MDGA2: variants seen among roughly 807,000 people sequenced by gnomAD.
The protein encoded by MDGA2 is MAM domain-containing glycosylphosphatidylinositol anchor protein 2.
A neutral mutation model predicts 117.8 loss-of-function variants in MDGA2; 40 were observed. The ratio of observed to expected loss-of-function variants is 0.34; its 90% CI spans 0.26 to 0.44. The LOEUF (loss-of-function observed/expected upper bound fraction) is 0.44. MDGA2 is among the 20% of genes least tolerant of loss of function. MDGA2 has a pLI of 1.00. For synonymous variants in MDGA2, 452 were observed against 439.0 expected (o/e 1.03, Z -0.37); for missense variants, 1,123 against 1,250.6 (o/e 0.90, Z 1.54).
chr14:47,267,159 AGGGAAAT>A (rs887123237), intron 2 of MDGA2, among the ~76,000 whole-genome samples: 1 of 152,158 alleles, frequency 6.6e-6, no homozygotes, highest in African/African-American at 2.4e-5. Context: ...AAGGTGGAAA[AGGGAAAT>A]GACACAGTAA....
intron 7 of MDGA2, among the ~76,000 whole-genome samples, chr14:47,040,205 T>C (rs1889013175): frequency 1.3e-5 from 2 of 152,032 alleles, no homozygotes; most frequent in East Asian, 3.9e-4. Context: ...AGCAAGGTAA[T>C]TGGGCACTAA....
chr14:47,193,569 T>C (rs1020976488), intron 3 of MDGA2, among the ~76,000 whole-genome samples: 16 of 152,174 alleles, frequency 1.1e-4, no homozygotes, highest in Non-Finnish European at 4.4e-5. Flanking sequence ...GAAGTCATGG[T>C]TCTCATGATA....
At chr14:47,357,050 G>A (rs573297259) in intron 1 of MDGA2, among the ~76,000 whole-genome samples, 1 of 152,322 alleles carries the variant, frequency 6.6e-6, no homozygotes, top group South Asian at 2.1e-4. Context: ...TATCTTCTCA[G>A]TGTTATGAGA....
chr14:47,223,808 C>CT (rs1036898557), intron 2 of MDGA2, among the ~76,000 whole-genome samples: 13 of 152,176 alleles, frequency 8.5e-5, no homozygotes, highest in African/African-American at 3.1e-4. Flanking sequence ...ACTCACAGTT[C>CT]TACATGGCTG....
chr14:47,560,588 GC>G (rs1335136942), intron 1 of MDGA2, among the ~76,000 whole-genome samples: 1 of 152,002 alleles, frequency 6.6e-6, no homozygotes, highest in Admixed American at 6.6e-5. Flanking sequence ...TTGTAAAGTT[GC>G]TTATAGATTC....
At chr14:47,556,059 C>T (rs1895676772) in intron 1 of MDGA2, among the ~76,000 whole-genome samples, 1 of 152,140 alleles carries the variant, frequency 6.6e-6, no homozygotes, top group South Asian at 2.1e-4. Context: ...TGAGTGACTC[C>T]CTTCCAGACA....
At position 47,061,393 on chromosome 14, in the gene MDGA2, C is replaced by G; in HGVS notation, c.1381G>C (p.Asp461His). 6.2e-7 allele frequency: 1 copy of G among 1,613,614 alleles called. No individual in the cohort carries two copies. Among genetic ancestry groups the G allele is most frequent in the South Asian group, 1.1e-5 (1 of 91,080 alleles). The change falls in exon 7 of 17, where the codon GAT becomes CAT. Residue 461 changes from aspartate (D) to histidine (H), a missense_variant. Transcript: ENST00000399232. The part of the protein sequence containing the change: ...SSERMVITQT[D>H]PDVSPGTTNL... ...GTTGTTCCCGGAGAGACATCAGGAT[C>G]AGTCTGTGTAATGACCATCCGCTCA... is the stretch of plus-strand genomic sequence containing the variant.
intron 8 of MDGA2, among the ~76,000 whole-genome samples, chr14:46,986,868 T>G (rs1301510504): frequency 6.6e-6 from 1 of 152,122 alleles, no homozygotes; most frequent in Admixed American, 6.6e-5. Flanking sequence ...CTTAGAAAGC[T>G]TGGTTAACAA....
intron 2 of MDGA2, among the ~76,000 whole-genome samples, chr14:47,239,574 T>C (rs887095258): frequency 3.3e-5 from 5 of 151,886 alleles, no homozygotes; most frequent in Admixed American, 2.6e-4. Flanking sequence ...TTTTTGTTAC[T>C]TCTTAATATT....
chr14:47,139,953 A>T (rs1882648086), intron 4 of MDGA2, among the ~76,000 whole-genome samples: 1 of 151,002 alleles, frequency 6.6e-6, no homozygotes, highest in Non-Finnish European at 1.5e-5. Flanking sequence ...CACAATAAGC[A>T]AAAGATAAAG....
At chr14:47,663,895 T>G (rs1897895157) in intron 1 of MDGA2, among the ~76,000 whole-genome samples, 1 of 152,048 alleles carries the variant, frequency 6.6e-6, no homozygotes, top group Non-Finnish European at 1.5e-5. Flanking sequence ...GACTATTAAT[T>G]AGTCTTGAAG....
At chr14:47,175,164 A>C (rs1037250175) in intron 3 of MDGA2, among the ~76,000 whole-genome samples, 2 of 151,434 alleles carry the variant, frequency 1.3e-5, no homozygotes, top group African/African-American at 4.9e-5. Context: ...TCAATAGCTT[A>C]CCAACCAAAA....
intron 8 of MDGA2, among the ~76,000 whole-genome samples, chr14:46,980,790 A>C (rs1886641236): frequency 6.6e-6 from 1 of 152,210 alleles, no homozygotes; most frequent in Non-Finnish European, 1.5e-5. Flanking sequence ...TTAACAATAA[A>C]GTATTTTTAG....
intron 1 of MDGA2, among the ~76,000 whole-genome samples, chr14:47,428,625 A>G (rs567464284): frequency 1.3e-5 from 2 of 152,170 alleles, no homozygotes; most frequent in African/African-American, 4.8e-5. Flanking sequence ...AACCCAAATA[A>G]GAAACCCTAG....
chr14:47,109,577 A>G lies in MDGA2; in HGVS notation c.926-12454T>C, dbSNP rs1958100. Among the ~76,000 whole-genome samples the G allele has an allele frequency of 4.6e-3, 701 of 152,336 alleles. 2 individuals are homozygous for G. Among genetic ancestry groups the G allele is most frequent in the African/African-American group, 0.016 (666 of 41,574 alleles). The stretch of plus-strand genomic sequence containing the variant: ...TAGGTGCTCAATAAAATTTTACTGA[A>G]TAAAAGAAAGTTGAATTTAAAAATT... On this transcript the variant is annotated intron_variant, in intron 5 of 16. Transcript: ENST00000399232.
chr14:46,900,856 T>C (rs1039157644), intron 10 of MDGA2, among the ~76,000 whole-genome samples: 3 of 152,136 alleles, frequency 2.0e-5, no homozygotes, highest in Non-Finnish European at 4.4e-5. Flanking sequence ...TTAAACTTCA[T>C]GGATTGTACC....
At chr14:47,516,448 T>C (rs1210100662) in intron 1 of MDGA2, among the ~76,000 whole-genome samples, 1 of 152,142 alleles carries the variant, frequency 6.6e-6, no homozygotes, top group Admixed American at 6.6e-5. Context: ...AAGGGACACA[T>C]GTTTAAACCA....
chr14:47,276,726 T>C (rs986081713), intron 2 of MDGA2, among the ~76,000 whole-genome samples: 15 of 152,196 alleles, frequency 9.9e-5, no homozygotes, highest in African/African-American at 3.1e-4. Context: ...AATGTGTTAT[T>C]TGGAGTGGTC....
intron 1 of MDGA2, among the ~76,000 whole-genome samples, chr14:47,396,149 T>C (rs1163450854): frequency 6.6e-6 from 1 of 152,152 alleles, no homozygotes; most frequent in Non-Finnish European, 1.5e-5. Flanking sequence ...AACAGACTTT[T>C]CCTAATAAAC....
Sources: gnomAD v4.1 joint callset for allele counts (sites outside exome capture counted in the v4.1 genomes callset) on GRCh38, gnomAD v4.1.1 for gene constraint, MANE v1.5 for transcripts, NCBI Gene and HGNC (gene_info 2026-07-23, HGNC 2026-07-21) for gene names.